The following MMP7 variants were observed in gnomAD, a reference collection of about 807,000 sequenced individuals.
MMP7 encodes matrix metallopeptidase 7, also known as matrilysin.
Under a neutral mutation model 31.5 loss-of-function variants are expected in MMP7, and 26 were observed. That is an observed-to-expected ratio of 0.83 (90% confidence interval 0.61 to 1.15). The LOEUF is 1.15. MMP7 is among the 50% of genes most tolerant of loss of function. MMP7 has a pLI of 0.00. For synonymous variants in MMP7, 142 were observed against 124.2 expected (o/e 1.14, Z -0.95); for missense variants, 367 against 326.5 (o/e 1.12, Z -0.96).
intron 1 of MMP7, among the ~76,000 whole-genome samples, chr11:102,530,121 C>A (rs945624710): frequency 6.6e-6 from 1 of 152,094 alleles, no homozygotes; most frequent in Non-Finnish European, 1.5e-5. Flanking sequence ...ATCTCCATTA[C>A]AAACAGTATT....
At chr11:102,526,724 C>A (rs1038634592) in intron 3 of MMP7, among the ~76,000 whole-genome samples, 2 of 152,044 alleles carry the variant, frequency 1.3e-5, no homozygotes, top group African/African-American at 4.8e-5. Context: ...TAGTCATGTG[C>A]TACATAATGA....
At position 102,524,991 on chromosome 11, in the gene MMP7, G is replaced by T; in HGVS notation, c.558C>A (p.Leu186=). 6.2e-7 allele frequency: 1 copy of T among 1,613,948 alleles called. No individual in the cohort carries two copies. The highest frequency in any genetic ancestry group is 8.5e-7 in the Non-Finnish European group (1 of 1,179,966). Residue 186 remains leucine, a synonymous_variant, in exon 4 of 6, where the codon CTC becomes CTA. Transcript: ENST00000260227. The part of the protein sequence containing the change: ...LAHAFAPGTG[L]GGDAHFDEDE... The stretch of plus-strand genomic sequence containing the variant: ...CCTCATCGAAGTGAGCATCTCCTCC[G>T]AGACCTGTCCCAGGCGCAAAGGCAT...
intron 5 of MMP7, 138 bp downstream of exon 5, chr11:102,523,102 A>G (rs17882055): frequency 1.2e-5 from 7 of 572,550 alleles, no homozygotes; most frequent in Admixed American, 9.2e-5. Flanking sequence ...AAGGTCCCCA[A>G]TTCCTCCCCT....
rs749022134 is a variant in MMP7, at chr11:102,527,656, G to A, written c.352C>T (p.Arg118Ter). 2.2e-5 allele frequency: 36 copies of A among 1,614,044 alleles called. No homozygotes were observed. In the Middle Eastern group the frequency reaches 6.6e-4, roughly 30 times the overall value. Reference sequence around the variant, plus strand: ...TCCACTGTAATATGCGGTAAGTCTCGAGTATATGATACGATCCTAGTAGCA... The same window carrying A: ...TCCACTGTAATATGCGGTAAGTCTCAAGTATATGATACGATCCTAGTAGCA... ...VVTYRIVSYT[R>*]DLPHITVDRL... is the part of the protein sequence containing the mutation. The change falls in exon 3 of 6, where the codon CGA (arginine) becomes TGA (stop). Residue 118 changes from arginine to a stop codon, truncating the protein, a stop_gained. Transcript: ENST00000260227. LOFTEE classifies it high-confidence loss of function.
At chr11:102,529,465 T>A (rs1284666962) in intron 1 of MMP7, among the ~76,000 whole-genome samples, 3 of 152,196 alleles carry the variant, frequency 2.0e-5, no homozygotes, top group Non-Finnish European at 2.9e-5. Flanking sequence ...CAACCTTCAC[T>A]CTAAGTAAAG....
chr11:102,525,008 C>G lies in MMP7; in HGVS notation c.541G>C (p.Ala181Pro). Residue 181 changes from alanine (A) to proline (P), a missense_variant, in exon 4 of 6, where the codon GCG becomes CCG. Transcript: ENST00000260227. ...GPGNTLAHAF[A>P]PGTGLGGDAH... ...TCTCCTCCGAGACCTGTCCCAGGCG[C>G]AAAGGCATGAGCCAGCGTGTTTCCT... The G allele has an allele frequency of 6.2e-7, 1 of 1,613,960 alleles. No individual in the cohort carries two copies. The highest frequency in any genetic ancestry group is 8.5e-7 in the Non-Finnish European group (1 of 1,179,946).
At position 102,521,043 on chromosome 11, in the gene MMP7, A is replaced by T. The variant is rs370781962; in HGVS notation, c.776-239T>A. 1.3e-3 allele frequency among the ~76,000 whole-genome samples: 193 copies of T among 152,250 alleles called. 3 individuals carry two copies. The Middle Eastern group carries it at 0.017, about 13-fold the overall frequency. On this transcript the variant is annotated intron_variant, in intron 5 of 5. Coordinates refer to ENST00000260227, the MANE Select transcript of MMP7 (RefSeq NM_002423.5). ...CATCTTGTTTCTACCAGTTTACTAG[A>T]TGTGTGACCTTAGGTAGTTTACTAC...
rs1455056563 is a variant in MMP7, at chr11:102,520,528, C to T, written c.*248G>A. On this transcript the variant is annotated 3_prime_UTR_variant, in exon 6 of 6. Transcript: ENST00000260227. ...ATAAATAAATTTACCATGGAATAAA[C>T]ATTTTATTTATTTGTGTATGTAACA... 2 of 367,802 alleles carry T rather than the reference C, an allele frequency of 5.4e-6. No individual in the cohort carries two copies. Among genetic ancestry groups the T allele is most frequent in the Non-Finnish European group, 9.9e-6 (2 of 202,738 alleles). The allele number at this position is 367,802 out of a possible 1,614,324, so 22.8% of individuals were successfully genotyped here.
chr11:102,520,925 CT>C (rs1428627160), intron 5 of MMP7, 121 bp from the exon 6 acceptor site: 1 of 647,934 alleles, frequency 1.5e-6, no homozygotes, highest in African/African-American at 2.0e-5. Context: ...CAGACCATTT[CT>C]TGTCCCTGGG....
chr11:102,525,429 T>A (rs1189335406), intron 3 of MMP7, among the ~76,000 whole-genome samples: 1 of 148,210 alleles, frequency 6.7e-6, no homozygotes, highest in Non-Finnish European at 1.5e-5. Context: ...GTGACAACAG[T>A]GAAACTCCAT....
At position 102,523,348 on chromosome 11, in the gene MMP7, C is replaced by T. The variant is rs1276865104; in HGVS notation, c.667G>A (p.Gly223Arg). 6.2e-7 allele frequency: 1 copy of T among 1,611,606 alleles called. No individual in the cohort carries two copies. The highest frequency in any genetic ancestry group is 1.7e-5 in the Admixed American group (1 of 59,922). The change falls in exon 5 of 6, where the codon GGA (glycine) becomes AGA (arginine). Residue 223 changes from glycine (G) to arginine (R), a missense_variant. Coordinates refer to ENST00000260227, the MANE Select transcript of MMP7 (RefSeq NM_002423.5). ...ACTGCATTAGGATCAGAGGAATGTC[C>T]CATACCCAAAGAATGGCCAAGTTCA... ...THELGHSLGM[G>R]HSSDPNAVMY...
In MMP7 at chr11:102,525,077, G is replaced by C; in HGVS notation, c.485-13C>G. 6.3e-7 allele frequency: 1 copy of C among 1,589,736 alleles called. No homozygotes were observed. Among genetic ancestry groups the C allele is most frequent in the South Asian group, 1.2e-5 (1 of 86,602 alleles). ...GAGTCCCCATGAGCTGAAAGAAAAT[G>C]GAGTGATTGTTCTTAGTGACTGATT... On this transcript the variant is annotated splice_polypyrimidine_tract_variant and intron_variant, in intron 3 of 5. Coordinates refer to ENST00000260227, the MANE Select transcript of MMP7 (RefSeq NM_002423.5).
chr11:102,524,820 T>A (rs143557590), intron 4 of MMP7, 116 bp downstream of exon 4: 1 of 1,149,188 alleles, frequency 8.7e-7, no homozygotes, highest in East Asian at 2.8e-5. Context: ...TATAGTACAG[T>A]GTTTGGCACT....
chr11:102,524,786 A>G (rs1443432384), intron 4 of MMP7, 150 bp downstream of exon 4: 1 of 780,722 alleles, frequency 1.3e-6, no homozygotes, highest in African/African-American at 1.8e-5. Flanking sequence ...TGAGTATATT[A>G]CATGAAATAA....
At chr11:102,522,663 T>C (rs555183162) in intron 5 of MMP7, among the ~76,000 whole-genome samples, 1 of 152,336 alleles carries the variant, frequency 6.6e-6, no homozygotes, top group East Asian at 1.9e-4. Context: ...GCTGACTCAA[T>C]ACAGTAAATC....
At chr11:102,526,005 G>T (rs1591592783) in intron 3 of MMP7, among the ~76,000 whole-genome samples, 1 of 151,570 alleles carries the variant, frequency 6.6e-6, no homozygotes, top group African/African-American at 2.4e-5. Flanking sequence ...CAATATTGTG[G>T]GTTGAAGTTC....
chr11:102,524,757 T>A (rs905584764), intron 4 of MMP7, 179 bp downstream of exon 4: 26 of 534,650 alleles, frequency 4.9e-5, no homozygotes, highest in Non-Finnish European at 6.9e-5. Flanking sequence ...TGAGTGTCCA[T>A]CTTCTGTGTG....
At chr11:102,523,447 T>C in intron 4 of MMP7, 46 bp from the exon 5 acceptor site, 1 of 1,453,870 alleles carries the variant, frequency 6.9e-7, no homozygotes, top group Non-Finnish European at 9.3e-7. Context: ...AATAGCTACA[T>C]ACATTATGTA....
intron 3 of MMP7, among the ~76,000 whole-genome samples, chr11:102,525,914 G>A (rs1226949944): frequency 6.6e-6 from 1 of 151,912 alleles, no homozygotes; most frequent in Non-Finnish European, 1.5e-5. Context: ...GGTGATATGA[G>A]GCCAGTCCAG....
Sources: allele counts gnomAD v4.1 joint callset (sites outside exome capture counted in the v4.1 genomes callset), GRCh38; gene constraint gnomAD v4.1.1; transcripts MANE v1.5; gene names NCBI Gene and HGNC (gene_info 2026-07-23, HGNC 2026-07-21).